SH3GL2: variants seen among roughly 807,000 people sequenced by gnomAD.
SH3GL2 encodes the protein endophilin-A1.
Under a neutral mutation model 46.0 loss-of-function variants are expected in SH3GL2, and 24 were observed. The ratio of observed to expected loss-of-function variants is 0.52; its 90% CI spans 0.38 to 0.73. The LOEUF is 0.73. Ranked by LOEUF, SH3GL2 falls within the 30% of genes least tolerant of loss-of-function variation. SH3GL2 has a pLI of 0.00. For synonymous variants in SH3GL2, 196 were observed against 147.1 expected (o/e 1.33, Z -2.40); for missense variants, 413 against 424.2 (o/e 0.97, Z 0.23).
At chr9:17,703,057 C>G (rs560224957) in intron 1 of SH3GL2, among the ~76,000 whole-genome samples, 1 of 152,154 alleles carries the variant, frequency 6.6e-6, no homozygotes, top group East Asian at 1.9e-4. Context: ...ATAAATCCCT[C>G]AAGATGGGGA....
intron 1 of SH3GL2, among the ~76,000 whole-genome samples, chr9:17,674,131 T>G (rs2117984714): frequency 6.6e-6 from 1 of 152,370 alleles, no homozygotes; most frequent in Non-Finnish European, 1.5e-5. Context: ...CTTTTCTTTT[T>G]AATGCAAATG....
At chr9:17,681,949 A>G (rs1193310261) in intron 1 of SH3GL2, among the ~76,000 whole-genome samples, 1 of 152,160 alleles carries the variant, frequency 6.6e-6, no homozygotes, top group Non-Finnish European at 1.5e-5. Flanking sequence ...AAAAAGCTCA[A>G]CATCACTGAA....
rs74708463 is a variant in SH3GL2, at chr9:17,627,535, A to G, written c.45+48248A>G. Among the ~76,000 whole-genome samples the G allele has an allele frequency of 6.4e-3, 976 of 152,356 alleles. 14 individuals carry two copies. The highest frequency in any genetic ancestry group is 0.022 in the African/African-American group (920 of 41,578). Reference sequence around the variant, plus strand: ...TTTGACTTTTAAAATCACAAACAATAAAGTAATCATTATTACAAGGTATTT... The same window carrying G: ...TTTGACTTTTAAAATCACAAACAATGAAGTAATCATTATTACAAGGTATTT... On this transcript the variant is annotated intron_variant, in intron 1 of 8. Transcript: ENST00000380607.
At chr9:17,761,732 G>A (rs1248971381) in intron 3 of SH3GL2, among the ~76,000 whole-genome samples, 1 of 152,172 alleles carries the variant, frequency 6.6e-6, no homozygotes, top group African/African-American at 2.4e-5. Context: ...TTATCTGACT[G>A]TGGTATATTT....
At chr9:17,678,239 A>G (rs1588230235) in intron 1 of SH3GL2, among the ~76,000 whole-genome samples, 1 of 151,992 alleles carries the variant, frequency 6.6e-6, no homozygotes. Flanking sequence ...GAACTAGTTT[A>G]CAGTCCCACC....
At chr9:17,617,188 A>G (rs968950362) in intron 1 of SH3GL2, among the ~76,000 whole-genome samples, 3 of 152,204 alleles carry the variant, frequency 2.0e-5, no homozygotes, top group Non-Finnish European at 2.9e-5. Flanking sequence ...TTATTATGCC[A>G]TGATGTATTT....
intron 2 of SH3GL2, among the ~76,000 whole-genome samples, chr9:17,752,028 C>CAA (rs35530244): frequency 1.2e-4 from 18 of 151,562 alleles, no homozygotes; most frequent in Non-Finnish European, 1.8e-4. Flanking sequence ...AGATTAACAG[C>CAA]AAAAAAAATA....
At chr9:17,618,669 T>C (rs1196014785) in intron 1 of SH3GL2, among the ~76,000 whole-genome samples, 1 of 152,164 alleles carries the variant, frequency 6.6e-6, no homozygotes, top group Non-Finnish European at 1.5e-5. Flanking sequence ...TTAGTAAATA[T>C]GCTGTATCAC....
In SH3GL2 at chr9:17,761,444, A is replaced by G; in HGVS notation, c.122A>G (p.Asp41Gly). 1 of 1,601,218 alleles carries G rather than the reference A, an allele frequency of 6.2e-7. No individual in the cohort carries two copies. The highest frequency in any genetic ancestry group is 8.6e-7 in the Non-Finnish European group (1 of 1,168,158). ...DDFKEMERKV[D>G]VTSRAVMEIM... ...CTTATTTTCTCATTTCAGAAAGTGG[A>G]TGTCACCAGCAGGGCTGTGATGGAA... Residue 41 changes from aspartate to glycine, a missense_variant, in exon 3 of 9, where the codon GAT (aspartate) becomes GGT (glycine). Coordinates refer to ENST00000380607, the MANE Select transcript of SH3GL2 (RefSeq NM_003026.5).
At chr9:17,746,186 C>T (rs1338154207) in intron 1 of SH3GL2, among the ~76,000 whole-genome samples, 2 of 152,180 alleles carry the variant, frequency 1.3e-5, no homozygotes, top group Admixed American at 1.3e-4. Flanking sequence ...CACCATTCTC[C>T]TGCCTCAGCC....
chr9:17,731,855 C>T (rs774735345), intron 1 of SH3GL2, among the ~76,000 whole-genome samples: 16 of 152,140 alleles, frequency 1.1e-4, no homozygotes, highest in Admixed American at 2.6e-4. Context: ...TATGCTTTCC[C>T]TATTTACCCC....
intron 8 of SH3GL2, among the ~76,000 whole-genome samples, chr9:17,795,185 ATTC>A: frequency 6.6e-6 from 1 of 152,350 alleles, no homozygotes; most frequent in African/African-American, 2.4e-5. Context: ...ACATCATTAT[ATTC>A]TTCTTAAGTC....
intron 1 of SH3GL2, among the ~76,000 whole-genome samples, chr9:17,681,273 G>T (rs530653657): frequency 6.6e-6 from 1 of 152,288 alleles, no homozygotes; most frequent in East Asian, 1.9e-4. Context: ...AGTCTAATCA[G>T]TATGTGGTGG....
chr9:17,654,771 A>G (rs1235865103), intron 1 of SH3GL2, among the ~76,000 whole-genome samples: 20 of 152,216 alleles, frequency 1.3e-4, no homozygotes, highest in Admixed American at 1.3e-3. Context: ...TTATCACGTG[A>G]CAGAAGTGTA....
intron 6 of SH3GL2, among the ~76,000 whole-genome samples, chr9:17,790,169 A>G (rs1824082623): frequency 6.6e-6 from 1 of 152,114 alleles, no homozygotes; most frequent in Non-Finnish European, 1.5e-5. Context: ...GAGAGAACAA[A>G]CTTGCCTTTC....
At chr9:17,615,453 G>A (rs1442029382) in intron 1 of SH3GL2, among the ~76,000 whole-genome samples, 1 of 151,968 alleles carries the variant, frequency 6.6e-6, no homozygotes, top group Non-Finnish European at 1.5e-5. Context: ...CCGGGAGATT[G>A]AGACTATCCT....
At chr9:17,621,697 C>G (rs757889146) in intron 1 of SH3GL2, among the ~76,000 whole-genome samples, 1 of 152,158 alleles carries the variant, frequency 6.6e-6, no homozygotes, top group Non-Finnish European at 1.5e-5. Context: ...CTAGGACTCA[C>G]TAAAAGATGC....
chr9:17,680,743 T>C (rs1472675885), intron 1 of SH3GL2, among the ~76,000 whole-genome samples: 2 of 152,214 alleles, frequency 1.3e-5, no homozygotes, highest in Non-Finnish European at 2.9e-5. Context: ...TTTAGATCTT[T>C]CCTGCTTTCT....
chr9:17,643,384 C>T (rs1487766625), intron 1 of SH3GL2, among the ~76,000 whole-genome samples: 2 of 152,268 alleles, frequency 1.3e-5, no homozygotes, highest in Non-Finnish European at 2.9e-5. Context: ...ATTTCTTTCT[C>T]TTGCCTTATT....
Sources: gnomAD v4.1 joint callset for allele counts (sites outside exome capture counted in the v4.1 genomes callset) on GRCh38, gnomAD v4.1.1 for gene constraint, MANE v1.5 for transcripts, NCBI Gene and HGNC (gene_info 2026-07-23, HGNC 2026-07-21) for gene names.